COL23A1: variants seen among roughly 807,000 people sequenced by gnomAD.
COL23A1 encodes the protein collagen type XXIII alpha 1 chain, also known as collagen alpha-1(XXIII) chain.
Under a neutral mutation model 99.3 loss-of-function variants are expected in COL23A1, and 97 were observed. The ratio of observed to expected loss-of-function variants is 0.98; its 90% CI spans 0.83 to 1.16. COL23A1 has a LOEUF of 1.16. COL23A1 is among the 50% of genes most tolerant of loss of function. The pLI is 0.00. For missense variants in COL23A1, 762 were observed against 757.4 expected (o/e 1.01, Z -0.07); for synonymous variants, 320 against 308.2 (o/e 1.04, Z -0.40).
At chr5:178,338,269 C>T (rs1007732832) in intron 2 of COL23A1, among the ~76,000 whole-genome samples, 8 of 152,286 alleles carry the variant, frequency 5.3e-5, no homozygotes, top group South Asian at 2.1e-4. Context: ...CAGAGAGGGA[C>T]GGTGTCAGTC....
intron 2 of COL23A1, among the ~76,000 whole-genome samples, chr5:178,429,548 TG>T (rs1170334094): frequency 2.0e-5 from 3 of 152,202 alleles, no homozygotes; most frequent in African/African-American, 7.2e-5. Flanking sequence ...ATTTAGTGAG[TG>T]GGAGATGAAT....
chr5:178,553,416 G>A (rs1049947688), intron 2 of COL23A1, among the ~76,000 whole-genome samples: 4 of 152,308 alleles, frequency 2.6e-5, no homozygotes, highest in East Asian at 1.9e-4. Context: ...ATGTTTTGAT[G>A]GAGCAGAGGA....
At chr5:178,534,693 C>T (rs1273978438) in intron 2 of COL23A1, among the ~76,000 whole-genome samples, 1 of 152,058 alleles carries the variant, frequency 6.6e-6, no homozygotes, top group African/African-American at 2.4e-5. Flanking sequence ...GCAGGAGAAT[C>T]GCTTGAACCC....
At chr5:178,347,778 G>A (rs1196919305) in intron 2 of COL23A1, among the ~76,000 whole-genome samples, 1 of 151,254 alleles carries the variant, frequency 6.6e-6, no homozygotes, top group Non-Finnish European at 1.5e-5. Flanking sequence ...CTACTCGGGA[G>A]GCTGAGGCAG....
chr5:178,562,978 C>T (rs960996050), intron 1 of COL23A1, among the ~76,000 whole-genome samples: 1 of 152,150 alleles, frequency 6.6e-6, no homozygotes, highest in African/African-American at 2.4e-5. Flanking sequence ...CTGATTGGTG[C>T]ATTTTACAAA....
chr5:178,316,015 G>A (rs962384325), intron 2 of COL23A1, among the ~76,000 whole-genome samples: 7 of 152,158 alleles, frequency 4.6e-5, no homozygotes, highest in Admixed American at 1.3e-4. Flanking sequence ...GTATTACTGC[G>A]GAAACTGTGT....
chr5:178,585,507 A>AGG (rs1562114782), intron 1 of COL23A1, among the ~76,000 whole-genome samples: 1 of 146,346 alleles, frequency 6.8e-6, no homozygotes, highest in Non-Finnish European at 1.5e-5. Flanking sequence ...CGCTGGAGTA[A>AGG]CACTCCACGT....
At chr5:178,481,927 C>T (rs1327443794) in intron 2 of COL23A1, among the ~76,000 whole-genome samples, 2 of 150,456 alleles carry the variant, frequency 1.3e-5, no homozygotes, top group Non-Finnish European at 3.0e-5. Context: ...ATGTAAATGA[C>T]GAGTTGATGG....
intron 2 of COL23A1, among the ~76,000 whole-genome samples, chr5:178,550,099 G>A (rs537905945): frequency 3.0e-4 from 45 of 152,212 alleles, no homozygotes; most frequent in African/African-American, 1.1e-3. Flanking sequence ...TATCATTTCT[G>A]GAATCTGAAG....
In COL23A1 at chr5:178,560,576, G is replaced by C. The variant is rs531454750; in HGVS notation, c.361+106C>G. 7 of 988,002 alleles carry C rather than the reference G, an allele frequency of 7.1e-6. No individual in the cohort carries two copies. The Admixed American group carries it at 1.3e-4, about 19-fold the overall frequency. The allele number at this position is 988,002 out of a possible 1,614,324, so 61.2% of individuals were successfully genotyped here. On this transcript the variant is annotated intron_variant, in intron 2 of 28. Transcript: ENST00000390654. Reference sequence around the variant, plus strand: ...AGGCCCCAGGCCAGTGCACGAAGACGACAGCCTGACACCCCAGTCCACCTT... The same window carrying C: ...AGGCCCCAGGCCAGTGCACGAAGACCACAGCCTGACACCCCAGTCCACCTT...
rs145544647 is a variant in COL23A1 at position 178,538,802 on chromosome 5, T to G, written c.361+21880A>C. On this transcript the variant is annotated intron_variant, in intron 2 of 28. Coordinates refer to ENST00000390654, the MANE Select transcript of COL23A1 (RefSeq NM_173465.4). ...ATGTTCATGGCAGCACTATGCCTAA[T>G]AAGCAAACAGTGGAAACCCACATGT... Among the ~76,000 whole-genome samples, 8 of 152,230 alleles carry G rather than the reference T, an allele frequency of 5.3e-5. No individual in the cohort carries two copies. The East Asian group carries it at 1.5e-3, about 29-fold the overall frequency.
intron 2 of COL23A1, among the ~76,000 whole-genome samples, chr5:178,331,257 C>A (rs1303805507): frequency 6.6e-6 from 1 of 152,204 alleles, no homozygotes; most frequent in Non-Finnish European, 1.5e-5. Context: ...CAGAAATGAC[C>A]CTTCTGGGTA....
At position 178,374,943 on chromosome 5, in the gene COL23A1, A is replaced by C. The variant is rs182718114; in HGVS notation, c.362-68024T>G. On this transcript the variant is annotated intron_variant, in intron 2 of 28. Transcript: ENST00000390654. The stretch of plus-strand genomic sequence containing the variant: ...TAATCAAGTAGCCAAAGAGAAATGA[A>C]AACATATATCCAGAAAAAGTTTGCA... 1.9e-3 allele frequency among the ~76,000 whole-genome samples: 289 copies of C among 152,328 alleles called. 1 individual carries two copies. The highest frequency in any genetic ancestry group is 6.3e-3 in the African/African-American group (261 of 41,566).
chr5:178,553,049 G>C (rs114006762), intron 2 of COL23A1, among the ~76,000 whole-genome samples: 10,318 of 151,820 alleles, frequency 0.068, 509 homozygotes, highest in African/African-American at 0.14. Context: ...ACACGCCTGT[G>C]GTCCCAGCTA....
At chr5:178,276,311 C>A (rs932362574) in intron 5 of COL23A1, among the ~76,000 whole-genome samples, 1 of 152,184 alleles carries the variant, frequency 6.6e-6, no homozygotes, top group African/African-American at 2.4e-5. Context: ...CAGGAGTAAA[C>A]GCTCAAATCG....
At chr5:178,444,960 G>A (rs1767078458) in intron 2 of COL23A1, among the ~76,000 whole-genome samples, 1 of 152,134 alleles carries the variant, frequency 6.6e-6, no homozygotes, top group Non-Finnish European at 1.5e-5. Flanking sequence ...ACTTAGTAAA[G>A]TCTCTGGTAC....
intron 2 of COL23A1, among the ~76,000 whole-genome samples, chr5:178,346,815 G>A (rs766024138): frequency 5.3e-5 from 8 of 152,152 alleles, no homozygotes; most frequent in African/African-American, 1.4e-4. Context: ...CATATGCAGC[G>A]GCCCGTCGGA....
In COL23A1 at chr5:178,325,364, C is replaced by T. The variant is rs1057225118; in HGVS notation, c.362-18445G>A. 1.5e-4 allele frequency among the ~76,000 whole-genome samples: 20 copies of T among 136,542 alleles called. No homozygotes were observed. In the South Asian group the frequency reaches 1.8e-3, roughly 12 times the overall value. 89.6% of individuals were successfully genotyped at this position (136,542 alleles called of 152,430 possible). On this transcript the variant is annotated intron_variant, in intron 2 of 28. Coordinates refer to ENST00000390654, the MANE Select transcript of COL23A1 (RefSeq NM_173465.4). ...CCAGCCTGGACTTCCCTCTCCAGCC[C>T]GTTCCGCCCAGCTCCACTTGCCCTC...
Position 178,358,587 on chromosome 5 carries a change from GTGTGTA to G in COL23A1, c.362-51674_362-51669del, listed in dbSNP as rs1280059502. Among the ~76,000 whole-genome samples, 6 of 150,136 alleles carry G rather than the reference GTGTGTA, an allele frequency of 4.0e-5. No individual in the cohort carries two copies. In the South Asian group the frequency reaches 8.5e-4, roughly 21 times the overall value. ...GTATGTCTAATGTGTATGTGTATGT[GTGTGTA>G]TGTGTATGTGTGTATGCGTGTATGT... On this transcript the variant is annotated intron_variant, in intron 2 of 28. Coordinates refer to ENST00000390654, the MANE Select transcript of COL23A1 (RefSeq NM_173465.4).
Sources: allele counts gnomAD v4.1 joint callset (sites outside exome capture counted in the v4.1 genomes callset), GRCh38; gene constraint gnomAD v4.1.1; transcripts MANE v1.5; gene names NCBI Gene and HGNC (gene_info 2026-07-23, HGNC 2026-07-21).